ITGBL1: variants seen among roughly 807,000 people sequenced by gnomAD.
The protein encoded by ITGBL1 is integrin subunit beta like 1.
In ITGBL1, 51 loss-of-function variants were observed where a neutral mutation model predicts 68.5. The ratio of observed to expected loss-of-function variants is 0.74; its 90% confidence interval spans 0.59 to 0.94. The LOEUF is 0.94. Ranked by LOEUF, ITGBL1 falls within the 40% of genes least tolerant of loss-of-function variation. The pLI, the probability that ITGBL1 is intolerant of heterozygous loss-of-function variation, is 0.00. For missense variants in ITGBL1, 649 were observed against 647.4 expected (o/e 1.00, Z -0.03); for synonymous variants, 209 against 227.3 (o/e 0.92, Z 0.72).
chr13:101,568,482 A>C (rs537761569), intron 3 of ITGBL1, among the ~76,000 whole-genome samples: 1 of 152,114 alleles, frequency 6.6e-6, no homozygotes, highest in African/African-American at 2.4e-5. Context: ...ACATTTGGGC[A>C]GGTGAAGCCT....
intron 2 of ITGBL1, among the ~76,000 whole-genome samples, chr13:101,484,653 C>CG (rs1208674944): frequency 6.6e-6 from 1 of 151,710 alleles, no homozygotes; most frequent in Admixed American, 6.6e-5. Context: ...TGTTGTATAG[C>CG]GGGGGAAGTC....
At chr13:101,637,332 T>G (rs2032202973) in intron 7 of ITGBL1, among the ~76,000 whole-genome samples, 1 of 149,790 alleles carries the variant, frequency 6.7e-6, no homozygotes, top group Non-Finnish European at 1.5e-5. Flanking sequence ...TCAAAATGAT[T>G]GGAACAGTAT....
intron 9 of ITGBL1, among the ~76,000 whole-genome samples, chr13:101,709,889 G>A (rs2034384469): frequency 6.6e-6 from 1 of 152,206 alleles, no homozygotes; most frequent in African/African-American, 2.4e-5. Context: ...TGAAGGTCAT[G>A]TAACAAGAGT....
intron 7 of ITGBL1, among the ~76,000 whole-genome samples, chr13:101,659,578 C>T: frequency 6.6e-6 from 1 of 152,198 alleles, no homozygotes; most frequent in East Asian, 1.9e-4. Context: ...ATTAATTGGC[C>T]ATTCTTTCCT....
At chr13:101,573,621 A>G (rs1478033478) in intron 3 of ITGBL1, among the ~76,000 whole-genome samples, 1 of 152,176 alleles carries the variant, frequency 6.6e-6, no homozygotes, top group African/African-American at 2.4e-5. Context: ...GTACATATTC[A>G]TCACTTGGTA....
At chr13:101,494,973 G>C (rs1348308738) in intron 2 of ITGBL1, among the ~76,000 whole-genome samples, 1 of 152,156 alleles carries the variant, frequency 6.6e-6, no homozygotes, top group Non-Finnish European at 1.5e-5. Flanking sequence ...GAATGCGTTA[G>C]ACCAAGAGTG....
chr13:101,476,229 CTT>C (rs1158622542), intron 2 of ITGBL1, among the ~76,000 whole-genome samples: 1 of 152,008 alleles, frequency 6.6e-6, no homozygotes, highest in East Asian at 1.9e-4. Flanking sequence ...TTAGTTTTCT[CTT>C]TGCTTGTTAG....
In ITGBL1 at chr13:101,708,867, G is replaced by A. The variant is rs1352322878; in HGVS notation, c.1279+1965G>A. ...CAGGCAGGTGGAAAATGAGTTTAAA[G>A]CAATCGCTTTGTGCCTTGTTTGTTC... On this transcript the variant is annotated intron_variant, in intron 9 of 10. Transcript: ENST00000376180. 3.9e-5 allele frequency among the ~76,000 whole-genome samples: 6 copies of A among 152,342 alleles called. No individual in the cohort carries two copies. In the East Asian group the frequency reaches 1.2e-3, roughly 29 times the overall value.
rs142161046 is a variant in ITGBL1, at chr13:101,464,548, C to A, written c.316+10448C>A. On this transcript the variant is annotated intron_variant, in intron 2 of 10. Transcript: ENST00000376180. The stretch of plus-strand genomic sequence containing the variant: ...CTCTCTCTCTATATATATATATATG[C>A]ATATGTTTATATATCCTCCTATATA... 5.2e-3 allele frequency among the ~76,000 whole-genome samples: 780 copies of A among 151,058 alleles called. 23 individuals are homozygous for A. Among genetic ancestry groups the A allele is most frequent in the Admixed American group, 0.044 (664 of 15,136 alleles).
At chr13:101,702,205 A>G (rs139612259) in intron 8 of ITGBL1, among the ~76,000 whole-genome samples, 241 of 152,246 alleles carry the variant, frequency 1.6e-3, no homozygotes, top group African/African-American at 5.7e-3. Context: ...AGATATAATC[A>G]TCTCTCTCTT....
chr13:101,560,817 G>A, intron 2 of ITGBL1, among the ~76,000 whole-genome samples: 1 of 152,120 alleles, frequency 6.6e-6, no homozygotes, highest in Non-Finnish European at 1.5e-5. Flanking sequence ...TGTAAATGCA[G>A]GGCTGTGTAG....
intron 2 of ITGBL1, among the ~76,000 whole-genome samples, chr13:101,538,408 A>T (rs1483544719): frequency 6.6e-6 from 1 of 152,104 alleles, no homozygotes; most frequent in Non-Finnish European, 1.5e-5. Context: ...AGGGTTAAGA[A>T]GGCTTTCAAA....
At chr13:101,564,576 A>G (rs2050152106) in intron 2 of ITGBL1, among the ~76,000 whole-genome samples, 1 of 149,540 alleles carries the variant, frequency 6.7e-6, no homozygotes, top group African/African-American at 2.4e-5. Flanking sequence ...ATTTATGTAC[A>G]TATATATGTA....
chr13:101,696,157 A>G (rs1392670284), intron 8 of ITGBL1, among the ~76,000 whole-genome samples: 1 of 152,136 alleles, frequency 6.6e-6, no homozygotes, highest in Admixed American at 6.5e-5. Flanking sequence ...AACTCCTGCA[A>G]GAACTCCCAT....
At chr13:101,695,360 C>T (rs998899493) in intron 8 of ITGBL1, among the ~76,000 whole-genome samples, 2 of 151,904 alleles carry the variant, frequency 1.3e-5, no homozygotes, top group African/African-American at 4.8e-5. Flanking sequence ...CATTTGAGGA[C>T]CAGAGAAAAA....
chr13:101,581,949 C>T (rs950227323), intron 5 of ITGBL1, among the ~76,000 whole-genome samples: 4 of 152,166 alleles, frequency 2.6e-5, no homozygotes, highest in African/African-American at 9.7e-5. Context: ...ATATTTTCCA[C>T]CTCTGACGAT....
intron 3 of ITGBL1, among the ~76,000 whole-genome samples, chr13:101,575,076 A>G (rs2050334560): frequency 6.6e-6 from 1 of 152,100 alleles, no homozygotes; most frequent in African/African-American, 2.4e-5. Context: ...AAAGCTTAGA[A>G]TTTGCTGCTT....
At chr13:101,664,283 C>T (rs2033159451) in intron 7 of ITGBL1, among the ~76,000 whole-genome samples, 1 of 152,092 alleles carries the variant, frequency 6.6e-6, no homozygotes, top group Admixed American at 6.6e-5. Context: ...AGTGTCAGAT[C>T]AGATAGCATC....
chr13:101,631,277 T>C (rs1200602230), intron 7 of ITGBL1, among the ~76,000 whole-genome samples: 2 of 152,196 alleles, frequency 1.3e-5, no homozygotes, highest in African/African-American at 2.4e-5. Context: ...GCTATGATTA[T>C]ACACTAATAT....
Sources: allele counts gnomAD v4.1 joint callset (sites outside exome capture counted in the v4.1 genomes callset), GRCh38; gene constraint gnomAD v4.1.1; transcripts MANE v1.5; gene names NCBI Gene and HGNC (gene_info 2026-07-23, HGNC 2026-07-21).